RHEBL1: variants seen among roughly 807,000 people sequenced by gnomAD.
RHEBL1 encodes the protein GTPase RhebL1.
Under a neutral mutation model 27.4 loss-of-function variants are expected in RHEBL1, and 22 were observed. That is an observed-to-expected ratio of 0.80 (90% CI 0.57 to 1.15). The LOEUF (loss-of-function observed/expected upper bound fraction) is 1.15, where lower values mean the gene tolerates loss of function less well. Among genes scored for constraint, RHEBL1 ranks in the 50% most tolerant of loss-of-function variants. RHEBL1 has a pLI of 0.00. For synonymous variants in RHEBL1, 85 were observed against 80.8 expected, an observed-to-expected ratio of 1.05 and a Z score of -0.28; for missense variants, 186 against 226.5, an observed-to-expected ratio of 0.82 and a Z score of 1.15.
intron 7 of RHEBL1, 45 bp downstream of exon 7, chr12:49,065,305 A>G: frequency 6.3e-7 from 1 of 1,588,508 alleles, no homozygotes; most frequent in African/African-American, 1.3e-5. Context: ...ACAATAAGGA[A>G]AACACAGCTA....
rs780752731 is a variant in RHEBL1, at chr12:49,069,786, G to A, written c.-1C>T. 19 of 1,613,454 alleles carry A rather than the reference G, an allele frequency of 1.2e-5. 1 individual carries two copies. Among genetic ancestry groups the A allele is most frequent in the Middle Eastern group, 1.6e-4 (1 of 6,062 alleles). On this transcript the variant is annotated 5_prime_UTR_variant, in exon 1 of 8. Transcript: ENST00000301068. ...CCTTCCTGTAGCGGACTAGCGGCAT[G>A]GCAGGAGCCCGCCCCAGGGGCTTGC... is the stretch of plus-strand genomic sequence containing the variant.
intron 1 of RHEBL1, 90 bp from the exon 2 acceptor site, chr12:49,069,196 G>T: frequency 6.2e-7 from 1 of 1,604,822 alleles, no homozygotes; most frequent in South Asian, 1.1e-5. Context: ...GACCAAAGGA[G>T]ACCCCAAATT....
chr12:49,069,901 C>A lies in RHEBL1; in HGVS notation c.-116G>T. On this transcript the variant is annotated 5_prime_UTR_variant, in exon 1 of 8. Transcript: ENST00000301068. The stretch of plus-strand genomic sequence containing the variant: ...AGGAAAGTCGCTCACCCCGAAGCTG[C>A]CGTGGGCAAGTTAGAAGGAAACCAA... The A allele has an allele frequency of 1.2e-6, 1 of 863,456 alleles. No homozygotes were observed. Among genetic ancestry groups the A allele is most frequent in the Non-Finnish European group, 1.9e-6 (1 of 527,510 alleles). The allele number at this position is 863,456 out of a possible 1,614,324, so 53.5% of individuals were successfully genotyped here.
Position 49,066,663 on chromosome 12 carries a change from C to G in RHEBL1, c.231G>C (p.Gly77=). ...YSILPYSFII[G]VHGYVLVYSV... is the part of the protein sequence containing the mutation. ...AATACACAAGCACATAACCATGGAC[C>G]CCAATGATGAATGAATAGGGCAGAA... Residue 77 remains glycine, a synonymous_variant, in exon 4 of 8, where the codon GGG becomes GGC. Coordinates refer to ENST00000301068, the MANE Select transcript of RHEBL1 (RefSeq NM_144593.3). 6.2e-7 allele frequency: 1 copy of G among 1,614,070 alleles called. No individual in the cohort carries two copies. The highest frequency in any genetic ancestry group is 2.2e-5 in the East Asian group (1 of 44,878).
At position 49,068,225 on chromosome 12, in the gene RHEBL1, G is replaced by A. The variant is rs936125961; in HGVS notation, c.124+810C>T. 5.9e-5 allele frequency among the ~76,000 whole-genome samples: 9 copies of A among 151,646 alleles called. No individual in the cohort carries two copies. In the South Asian group the frequency reaches 1.9e-3, roughly 32 times the overall value. On this transcript the variant is annotated intron_variant, in intron 2 of 7. Transcript: ENST00000301068. ...GCTCACTGCAACCTCCGCCTCCCAG[G>A]TTCAAGCAATTCTCCTGCCTCAGCC... is the stretch of plus-strand genomic sequence containing the variant.
At position 49,064,916 on chromosome 12, in the gene RHEBL1, G is replaced by T; in HGVS notation, c.*187C>A. ...GTCCATGAGAGGTCCTTGCCCCTTTGTAAACATTGACATCCAGGCCACTGG... is the reference window on the plus strand; with the variant it reads ...GTCCATGAGAGGTCCTTGCCCCTTTTTAAACATTGACATCCAGGCCACTGG... On this transcript the variant is annotated 3_prime_UTR_variant, in exon 8 of 8. Transcript: ENST00000301068. The T allele has an allele frequency of 1.7e-6, 1 of 598,050 alleles. No individual in the cohort carries two copies. 37.0% of individuals were successfully genotyped at this position (598,050 alleles called of 1,614,324 possible). A position where few individuals can be genotyped will look rare whatever the true frequency, so the allele number is the denominator to read the frequency against.
At chr12:49,065,482 G>T in intron 6 of RHEBL1, 51 bp from the exon 7 acceptor site, 2 of 1,471,006 alleles carry the variant, frequency 1.4e-6, no homozygotes, top group Non-Finnish European at 1.9e-6. Context: ...GTCAGTAAGT[G>T]CTCTGAAAAA....
chr12:49,069,961 A>T lies in RHEBL1; in HGVS notation c.-176T>A. The T allele has an allele frequency of 1.6e-6, 1 of 613,218 alleles. No homozygotes were observed. Among genetic ancestry groups the T allele is most frequent in the South Asian group, 1.9e-5 (1 of 53,196 alleles). 38.0% of individuals were successfully genotyped at this position (613,218 alleles called of 1,614,324 possible). ...CGCGCCCGGAGCTGCCCACGTGATC[A>T]CAACACAGCACGTCTAACGCCAGGG... is the stretch of plus-strand genomic sequence containing the variant. On this transcript the variant is annotated 5_prime_UTR_variant, in exon 1 of 8. Transcript: ENST00000301068.
chr12:49,065,529 C>T (rs1938982349), intron 6 of RHEBL1, 98 bp from the exon 7 acceptor site: 1 of 984,208 alleles, frequency 1.0e-6, no homozygotes, highest in East Asian at 2.4e-5. Context: ...GGCACAGTGG[C>T]TCATGCCTGT....
chr12:49,069,228 C>T, intron 1 of RHEBL1, 122 bp from the exon 2 acceptor site: 1 of 1,544,744 alleles, frequency 6.5e-7, no homozygotes, highest in South Asian at 1.2e-5. Context: ...CTGTGAGTGC[C>T]TCAAGCAATG....
At chr12:49,067,505 G>A (rs1037345542) in intron 2 of RHEBL1, among the ~76,000 whole-genome samples, 23 of 150,848 alleles carry the variant, frequency 1.5e-4, no homozygotes, top group Non-Finnish European at 2.7e-4. Flanking sequence ...TTGGTTGGGC[G>A]CAGTGGCTCA....
intron 2 of RHEBL1, among the ~76,000 whole-genome samples, chr12:49,067,638 G>A (rs1044556326): frequency 1.3e-5 from 2 of 151,946 alleles, no homozygotes; most frequent in Non-Finnish European, 2.9e-5. Flanking sequence ...AAATTAGTTG[G>A]GCATGGTGGT....
chr12:49,064,939 T>G lies in RHEBL1; in HGVS notation c.*164A>C, dbSNP rs1475095134. The G allele has an allele frequency of 1.6e-6, 1 of 615,110 alleles. No individual in the cohort carries two copies. The allele number at this position is 615,110 out of a possible 1,614,324, so 38.1% of individuals were successfully genotyped here. A position where few individuals can be genotyped will look rare whatever the true frequency, so the allele number is the denominator to read the frequency against. On this transcript the variant is annotated 3_prime_UTR_variant, in exon 8 of 8. Coordinates refer to ENST00000301068, the MANE Select transcript of RHEBL1 (RefSeq NM_144593.3). ...TTGTAAACATTGACATCCAGGCCAC[T>G]GGAGCCTGGGGAAAGTGTGCAAACA... is the stretch of plus-strand genomic sequence containing the variant.
chr12:49,068,110 A>G (rs560504849), intron 2 of RHEBL1, among the ~76,000 whole-genome samples: 1 of 140,414 alleles, frequency 7.1e-6, no homozygotes, highest in South Asian at 2.5e-4. Flanking sequence ...TCCCCCTTAC[A>G]TTCTTTTTAT....
At chr12:49,066,158 G>T in intron 6 of RHEBL1, 73 bp downstream of exon 6, 1 of 1,213,620 alleles carries the variant, frequency 8.2e-7, no homozygotes, top group Non-Finnish European at 1.2e-6. Flanking sequence ...CAGTGGAAGA[G>T]CCAGGATGAG....
At position 49,066,295 on chromosome 12, in the gene RHEBL1, G is replaced by A; in HGVS notation, c.333-17C>T. ...ACTGGCACCCTGTGAGGAAACAGCA[G>A]TTACTTCAGAATCCCCTCATTCCCC... On this transcript the variant is annotated splice_polypyrimidine_tract_variant and intron_variant, in intron 5 of 7. Transcript: ENST00000301068. The A allele has an allele frequency of 6.2e-7, 1 of 1,613,070 alleles. No individual in the cohort carries two copies. The highest frequency in any genetic ancestry group is 8.5e-7 in the Non-Finnish European group (1 of 1,179,074).
intron 6 of RHEBL1, among the ~76,000 whole-genome samples, 200 bp from the exon 7 acceptor site, chr12:49,065,631 TA>T (rs1175574545): frequency 2.7e-5 from 4 of 147,768 alleles, no homozygotes; most frequent in African/African-American, 5.0e-5. Context: ...CCATCTCTAT[TA>T]AAAAAAAAAT....
At chr12:49,067,286 T>G (rs4018209) in intron 2 of RHEBL1, among the ~76,000 whole-genome samples, 6,667 of 151,420 alleles carry the variant, frequency 0.044, 474 homozygotes, top group African/African-American at 0.15. Flanking sequence ...TTTTTTTTTT[T>G]GAGATGAGGT....
rs1228657823 is a variant in RHEBL1 at position 49,069,750 on chromosome 12, G to A, written c.36C>T (p.Leu12=). Residue 12 remains leucine, a synonymous_variant, in exon 1 of 8, where the codon CTC becomes CTT. Transcript: ENST00000301068. ...PLVRYRKVVI[L]GYRCVGKTSL... ...GAGACTCACCTACACAGCGGTATCC[G>A]AGGATGACCACCTTCCTGTAGCGGA... 15 of 1,613,774 alleles carry A rather than the reference G, an allele frequency of 9.3e-6. No homozygotes were observed. Among genetic ancestry groups the A allele is most frequent in the South Asian group, 6.6e-5 (6 of 91,088 alleles).
Sources: allele counts gnomAD v4.1 joint callset (sites outside exome capture counted in the v4.1 genomes callset), GRCh38; gene constraint gnomAD v4.1.1; transcripts MANE v1.5; gene names NCBI Gene and HGNC (gene_info 2026-07-23, HGNC 2026-07-21).